Variants in MYO6 observed in about 807,000 individuals in gnomAD.
The protein encoded by MYO6 is myosin VI.
Under a neutral mutation model 178.7 loss-of-function variants are expected in MYO6, and 74 were observed. The observed-to-expected ratio is 0.41, with a 90% CI of 0.34 to 0.50. The LOEUF (loss-of-function observed/expected upper bound fraction) is 0.50, where lower values mean the gene tolerates loss of function less well. Among genes scored for constraint, MYO6 ranks in the 20% least tolerant of loss-of-function variants. MYO6 has a pLI of 0.09. For missense variants in MYO6, 1,330 were observed against 1,547.4 expected (o/e 0.86, Z 2.36); for synonymous variants, 477 against 504.6 (o/e 0.95, Z 0.73).
intron 1 of MYO6, among the ~76,000 whole-genome samples, chr6:75,776,653 AGTGTGTGTGT>A (rs35830759): frequency 8.3e-5 from 12 of 144,760 alleles, no homozygotes; most frequent in East Asian, 4.1e-4. Flanking sequence ...AGAAACGTGC[AGTGTGTGTGT>A]GTGTGTGTGT....
intron 1 of MYO6, among the ~76,000 whole-genome samples, chr6:75,750,097 CTT>C (rs200110417): frequency 7.3e-5 from 10 of 137,902 alleles, no homozygotes; most frequent in East Asian, 2.1e-4. Context: ...AATTCATTAC[CTT>C]TTTTTTTTTT....
intron 1 of MYO6, among the ~76,000 whole-genome samples, chr6:75,753,176 A>C (rs1944581202): frequency 6.6e-6 from 1 of 152,168 alleles, no homozygotes; most frequent in Non-Finnish European, 1.5e-5. Flanking sequence ...TGGGTAAATG[A>C]GCAGAAGCAA....
chr6:75,824,123 A>G (rs1215981254), intron 3 of MYO6, among the ~76,000 whole-genome samples: 1 of 152,230 alleles, frequency 6.6e-6, no homozygotes, highest in Admixed American at 6.5e-5. Context: ...TTCATTTATT[A>G]ATGTGTATGT....
chr6:75,847,549 C>T, intron 10 of MYO6, among the ~76,000 whole-genome samples: 1 of 151,902 alleles, frequency 6.6e-6, no homozygotes, highest in East Asian at 1.9e-4. Context: ...TAGAGTCTAA[C>T]AAATGAGCAC....
chr6:75,887,555 C>T (rs1455136740), intron 25 of MYO6, among the ~76,000 whole-genome samples: 4 of 145,314 alleles, frequency 2.8e-5, no homozygotes, highest in African/African-American at 7.7e-5. Context: ...GCAGGAGAAT[C>T]GCTTGAACCT....
In MYO6 at chr6:75,841,386, A is replaced by G. The variant is rs772702819; in HGVS notation, c.816+8A>G. ...TCACCAGATAATTTTCGGGTAGGTC[A>G]GAAGAAAAGAAATTTCATATAGCCA... On this transcript the variant is annotated splice_region_variant and intron_variant, in intron 9 of 34. Transcript: ENST00000369977. The G allele has an allele frequency of 4.9e-5, 79 of 1,612,376 alleles. No individual in the cohort carries two copies. The highest frequency in any genetic ancestry group is 1.7e-6 in the Non-Finnish European group (2 of 1,179,614).
chr6:75,806,821 G>C (rs1770144036), intron 1 of MYO6, among the ~76,000 whole-genome samples: 1 of 152,206 alleles, frequency 6.6e-6, no homozygotes, highest in Non-Finnish European at 1.5e-5. Flanking sequence ...TGACTGGCTT[G>C]CTGTTAATAA....
intron 7 of MYO6, among the ~76,000 whole-genome samples, chr6:75,836,769 GA>G (rs1562228496): frequency 6.6e-6 from 1 of 152,126 alleles, no homozygotes; most frequent in East Asian, 1.9e-4. Context: ...TTTTAGTAGA[GA>G]TGGGGTTTCA....
At chr6:75,761,559 C>T (rs1777944529) in intron 1 of MYO6, among the ~76,000 whole-genome samples, 3 of 150,816 alleles carry the variant, frequency 2.0e-5, no homozygotes, top group Admixed American at 6.6e-5. Context: ...GCTGCATATA[C>T]TGATGCTAGT....
Position 75,914,961 on chromosome 6 carries a change from A to G in MYO6, c.3807A>G (p.Arg1269=), listed in dbSNP as rs1170453183. Residue 1269 remains arginine (R), a synonymous_variant, in exon 35 of 35, where the codon AGA becomes AGG. Transcript: ENST00000369977. ...IQYLQNAIES[R]QARPTYATAM... ...ACCTTCAGAATGCGATTGAGAGCAG[A>G]CAGGCTCGGCCCACCTATGCAACAG... The G allele has an allele frequency of 1.2e-6, 2 of 1,613,998 alleles. No individual in the cohort carries two copies. The highest frequency in any genetic ancestry group is 2.2e-5 in the South Asian group (2 of 91,072).
intron 1 of MYO6, among the ~76,000 whole-genome samples, chr6:75,783,358 T>A (rs1767179704): frequency 6.6e-6 from 1 of 152,000 alleles, no homozygotes; most frequent in African/African-American, 2.4e-5. Context: ...GGTCACATGG[T>A]TGGGTTCACT....
At chr6:75,772,176 G>A (rs1765960238) in intron 1 of MYO6, among the ~76,000 whole-genome samples, 1 of 152,028 alleles carries the variant, frequency 6.6e-6, no homozygotes, top group Non-Finnish European at 1.5e-5. Flanking sequence ...ATTTTAATGA[G>A]CTTCTGAGAT....
At chr6:75,796,198 G>A (rs2150102296) in intron 1 of MYO6, among the ~76,000 whole-genome samples, 1 of 152,160 alleles carries the variant, frequency 6.6e-6, no homozygotes, top group East Asian at 1.9e-4. Flanking sequence ...TTCTAATATG[G>A]TCAGTGACCT....
At chr6:75,759,646 A>G (rs1777778146) in intron 1 of MYO6, among the ~76,000 whole-genome samples, 1 of 152,106 alleles carries the variant, frequency 6.6e-6, no homozygotes, top group African/African-American at 2.4e-5. Context: ...TGAAGGAGCA[A>G]ATGGAGATTA....
At chr6:75,895,480 ATAATG>A (rs978807738) in intron 29 of MYO6, among the ~76,000 whole-genome samples, 2 of 151,476 alleles carry the variant, frequency 1.3e-5, no homozygotes, top group African/African-American at 4.8e-5. Context: ...TGTTTAAACT[ATAATG>A]TAACACCTAT....
chr6:75,800,839 G>A (rs764842421), intron 1 of MYO6, among the ~76,000 whole-genome samples: 2 of 152,136 alleles, frequency 1.3e-5, no homozygotes, highest in Non-Finnish European at 2.9e-5. Context: ...TCGTGTGTCA[G>A]CCACCTGAAT....
intron 1 of MYO6, among the ~76,000 whole-genome samples, chr6:75,756,910 T>TAC (rs35759968): frequency 0.03 from 3,725 of 123,848 alleles, 338 homozygotes; most frequent in Non-Finnish European, 0.043. Flanking sequence ...TATATATATA[T>TAC]ACACATATAT....
At chr6:75,826,634 A>G (rs1319064190) in intron 3 of MYO6, among the ~76,000 whole-genome samples, 5 of 152,128 alleles carry the variant, frequency 3.3e-5, no homozygotes, top group African/African-American at 7.2e-5. Flanking sequence ...AAGATTAGGG[A>G]TATAGAAAGG....
intron 1 of MYO6, among the ~76,000 whole-genome samples, chr6:75,777,372 A>G (rs1173644101): frequency 1.3e-5 from 2 of 152,212 alleles, no homozygotes; most frequent in South Asian, 2.1e-4. Flanking sequence ...CTTTGGGTTT[A>G]AAAGATTTTT....
Sources: gnomAD v4.1 joint callset for allele counts (sites outside exome capture counted in the v4.1 genomes callset) on GRCh38, gnomAD v4.1.1 for gene constraint, MANE v1.5 for transcripts, NCBI Gene and HGNC (gene_info 2026-07-23, HGNC 2026-07-21) for gene names.